Variants in VIM observed in about 807,000 individuals in gnomAD.
The protein encoded by VIM is vimentin.
VIM carries 18 observed loss-of-function variants against 50.3 expected under a neutral mutation model. That is an observed-to-expected ratio of 0.36 (90% confidence interval 0.25 to 0.53). The LOEUF (loss-of-function observed/expected upper bound fraction) is 0.53. Among genes scored for constraint, VIM ranks in the 20% least tolerant of loss-of-function variants. The pLI is 0.91. For missense variants in VIM, 551 were observed against 614.7 expected (o/e 0.90, Z 1.10); for synonymous variants, 245 against 248.5 (o/e 0.99, Z 0.13).
At chr10:17,228,759 C>T (rs1253534297) in intron 1 of VIM, 2 of 153,124 alleles carry the variant, frequency 1.3e-5, no homozygotes, top group Non-Finnish European at 1.5e-5. Context: ...AGGCCTGAGC[C>T]CTGCGTTCCT....
intron 3 of VIM, chr10:17,233,158 G>C: frequency 4.0e-6 from 1 of 252,100 alleles, no homozygotes; most frequent in Non-Finnish European, 7.8e-6. Flanking sequence ...ATGTTGGCTA[G>C]GCTGGTCTCG....
At chr10:17,231,813 ATTTTTAAC>A (rs1183225162) in intron 3 of VIM, among the ~76,000 whole-genome samples, 2 of 151,506 alleles carry the variant, frequency 1.3e-5, no homozygotes, top group African/African-American at 4.8e-5. Flanking sequence ...GACTTACAGA[ATTTTTAAC>A]TTAAAATTGG....
Position 17,233,304 on chromosome 10 carries a change from G to A in VIM, c.625-283G>A, listed in dbSNP as rs141844825. Reference sequence around the variant, plus strand: ...AATGTGGATTCAGTCATGATTGAGTGCAGTTTACCATGTGTGTGGACATTT... The same window carrying A: ...AATGTGGATTCAGTCATGATTGAGTACAGTTTACCATGTGTGTGGACATTT... On this transcript the variant is annotated intron_variant, in intron 3 of 9. Coordinates refer to ENST00000544301, the MANE Select transcript of VIM (RefSeq NM_003380.5). 5.1e-5 allele frequency: 21 copies of A among 412,858 alleles called. No individual in the cohort carries two copies. In the Admixed American group the frequency reaches 7.7e-4, roughly 15 times the overall value. 25.6% of individuals were successfully genotyped at this position (412,858 alleles called of 1,614,324 possible).
intron 2 of VIM, 35 bp downstream of exon 2, chr10:17,230,020 G>C: frequency 3.8e-6 from 6 of 1,569,266 alleles, no homozygotes; most frequent in Non-Finnish European, 5.2e-6. Flanking sequence ...CTGGGCCTCG[G>C]GAGGGGGCTG....
chr10:17,229,382 C>A lies in VIM; in HGVS notation c.-41C>A. ...CGCCTCTTCTCCGGGAGCCAGTCCG[C>A]GCCACCGCCGCCGCCCAGGCCATCG... On this transcript the variant is annotated 5_prime_UTR_variant, in exon 2 of 10. Coordinates refer to ENST00000544301, the MANE Select transcript of VIM (RefSeq NM_003380.5). 6.4e-7 allele frequency: 1 copy of A among 1,561,226 alleles called. No individual in the cohort carries two copies. The highest frequency in any genetic ancestry group is 8.6e-7 in the Non-Finnish European group (1 of 1,159,570).
chr10:17,233,593 G>T lies in VIM; in HGVS notation c.631G>T (p.Asp211Tyr). The T allele has an allele frequency of 6.2e-7, 1 of 1,614,088 alleles. No individual in the cohort carries two copies. The highest frequency in any genetic ancestry group is 1.1e-5 in the South Asian group (1 of 91,034). Residue 211 changes from aspartate to tyrosine, a missense_variant, in exon 4 of 10, where the codon GAC (aspartate) becomes TAC (tyrosine). Physicochemically the swap from Asp to Tyr is radical, Grantham distance 160 (BLOSUM62 -3). Around this residue, in one of 3 missense-constraint regions of VIM, gnomAD observed 394 missense variants for 437.5 expected, o/e 0.90. Coordinates refer to ENST00000544301, the MANE Select transcript of VIM (RefSeq NM_003380.5). ...TTTTCTCTGTTCAAAATAGGATGTTGACAATGCGTCTCTGGCACGTCTTGA... is the reference window on the plus strand; with the variant it reads ...TTTTCTCTGTTCAAAATAGGATGTTTACAATGCGTCTCTGGCACGTCTTGA... ...NTLQSFRQDV[D>Y]NASLARLDLE...
In VIM at chr10:17,233,693, T is replaced by G; in HGVS notation, c.720+11T>G. 6.2e-7 allele frequency: 1 copy of G among 1,613,916 alleles called. No homozygotes were observed. The highest frequency in any genetic ancestry group is 1.1e-5 in the South Asian group (1 of 91,064). On this transcript the variant is annotated intron_variant, in intron 4 of 9. Transcript: ENST00000544301. ...AAACTCCACGAAGAGGTTAGTGGAG[T>G]GACTTTCGGGGAATGAATGAGGGTA...
Position 17,235,378 on chromosome 10 carries a change from CGA to C in VIM, c.1220_1221del (p.Glu407GlyfsTer20). On this transcript the variant is annotated frameshift_variant, in exon 7 of 10. Coordinates refer to ENST00000544301, the MANE Select transcript of VIM (RefSeq NM_003380.5). LOFTEE classifies it high-confidence loss of function. ...IATYRKLLEG[E>X]ESRISLPLPN... ...CCACCTACAGGAAGCTGCTGGAAGG[CGA>C]GGAGAGCAGGTAGGGAACTCAGACT... 3 of 1,614,092 alleles carry C rather than the reference CGA, an allele frequency of 1.9e-6. No homozygotes were observed. The highest frequency in any genetic ancestry group is 2.5e-6 in the Non-Finnish European group (3 of 1,180,034).
chr10:17,233,539 A>G (rs1269354672), intron 3 of VIM, 48 bp from the exon 4 acceptor site: 4 of 1,574,420 alleles, frequency 2.5e-6, no homozygotes, highest in Non-Finnish European at 2.6e-6. Context: ...GAGATAAGCC[A>G]TACACTTTTA....
At chr10:17,236,466 C>T in intron 9 of VIM, 87 bp downstream of exon 9, 1 of 1,158,922 alleles carries the variant, frequency 8.6e-7, no homozygotes. Flanking sequence ...TCAGATACAG[C>T]TGGCTAATTT....
Position 17,229,672 on chromosome 10 carries a change from G to C in VIM, c.250G>C (p.Val84Leu), listed in dbSNP as rs1050023359. ...CGGGGTGCGGCTCCTGCAGGACTCG[G>C]TGGACTTCTCGCTGGCCGACGCCAT... Reference protein sequence around the residue: ...VPGVRLLQDSVDFSLADAINT... With the variant: ...VPGVRLLQDSLDFSLADAINT... Residue 84 changes from valine to leucine, a missense_variant, in exon 2 of 10, where the codon GTG becomes CTG. Physicochemically the swap from Val to Leu is conservative, Grantham distance 32 (BLOSUM62 1). Transcript: ENST00000544301. The C allele has an allele frequency of 3.2e-6, 5 of 1,561,578 alleles. No individual in the cohort carries two copies. The highest frequency in any genetic ancestry group is 1.7e-4 in the Middle Eastern group (1 of 5,974).
intron 9 of VIM, 83 bp downstream of exon 9, chr10:17,236,462 A>T: frequency 8.6e-7 from 1 of 1,165,170 alleles, no homozygotes; most frequent in Non-Finnish European, 1.3e-6. Context: ...AATCTCAGAT[A>T]CAGCTGGCTA....
Position 17,230,706 on chromosome 10 carries a change from G to C in VIM, c.620G>C (p.Arg207Thr). The part of the protein sequence containing the change: ...EEAENTLQSF[R>T]QDVDNASLAR... ...GCCGAAAACACCCTGCAATCTTTCA[G>C]ACAGGTTTGTAGACTCTCTTCCCAC... The change falls in exon 3 of 10, where the codon AGA becomes ACA. Residue 207 changes from arginine to threonine, a missense_variant. Arg to Thr is a moderately conservative substitution (Grantham distance 71, BLOSUM62 -1). Transcript: ENST00000544301. 2 of 1,614,152 alleles carry C rather than the reference G, an allele frequency of 1.2e-6. No individual in the cohort carries two copies. Among genetic ancestry groups the C allele is most frequent in the African/African-American group, 1.3e-5 (1 of 75,046 alleles).
At chr10:17,236,541 A>G (rs893419765) in intron 9 of VIM, among the ~76,000 whole-genome samples, 162 bp downstream of exon 9, 2 of 152,218 alleles carry the variant, frequency 1.3e-5, no homozygotes, top group African/African-American at 4.8e-5. Context: ...AGCAGTACAC[A>G]CAGCCAACTA....
chr10:17,231,010 C>T (rs1368473786), intron 3 of VIM: 2 of 382,150 alleles, frequency 5.2e-6, no homozygotes, highest in African/African-American at 4.2e-5. Context: ...TCAAGCGATC[C>T]TTGAATGATT....
At chr10:17,235,913 G>A (rs748200344) in intron 8 of VIM, 24 bp downstream of exon 8, 2 of 1,608,194 alleles carry the variant, frequency 1.2e-6, no homozygotes, top group Non-Finnish European at 1.7e-6. Flanking sequence ...TTCCCTTTAG[G>A]AAAAACGTCA....
chr10:17,234,854 A>T, intron 6 of VIM, 36 bp downstream of exon 6: 3 of 1,613,994 alleles, frequency 1.9e-6, no homozygotes, highest in Non-Finnish European at 2.5e-6. Flanking sequence ...AGGGAAAATA[A>T]TGACCCATTC....
At chr10:17,231,232 TAAGA>T (rs1262282691) in intron 3 of VIM, 1 of 153,282 alleles carries the variant, frequency 6.5e-6, no homozygotes, top group Non-Finnish European at 1.5e-5. Flanking sequence ...TGTTGGAAGA[TAAGA>T]AAACTTAGTT....
In VIM at chr10:17,235,904, T is replaced by G. The variant is rs1358767054; in HGVS notation, c.1273+15T>G. ...GAACCTGAGGGGTAAGCATTTTATT[T>G]CCCTTTAGGAAAAACGTCAGCTGCT... On this transcript the variant is annotated intron_variant, in intron 8 of 9. Coordinates refer to ENST00000544301, the MANE Select transcript of VIM (RefSeq NM_003380.5). 6.2e-7 allele frequency: 1 copy of G among 1,611,870 alleles called. No homozygotes were observed. The highest frequency in any genetic ancestry group is 8.5e-7 in the Non-Finnish European group (1 of 1,178,116).
Sources: gnomAD v4.1 joint callset for allele counts (sites outside exome capture counted in the v4.1 genomes callset) on GRCh38, gnomAD v4.1.1 for gene constraint, gnomAD v4.1.1 regional missense constraint, MANE v1.5 for transcripts, NCBI Gene and HGNC (gene_info 2026-07-23, HGNC 2026-07-21) for gene names.